The following ERICH1 variants were observed in gnomAD, a reference collection of about 807,000 sequenced individuals.
ERICH1 encodes the protein glutamate-rich protein 1.
In ERICH1, 56 loss-of-function variants were observed where a neutral mutation model predicts 39.6. The ratio of observed to expected loss-of-function variants is 1.41; its 90% CI spans 1.14 to 1.77. ERICH1 has a LOEUF of 1.77. Ranked by LOEUF, ERICH1 falls within the 40% of genes most tolerant of loss-of-function variation. The probability of loss-of-function intolerance (pLI) is 0.00; values close to 1 mark genes in which losing one functional copy is unlikely to be tolerated. For synonymous variants in ERICH1, 313 were observed against 223.6 expected, an observed-to-expected ratio of 1.40 and a Z score of -3.57; for missense variants, 826 against 575.4, an observed-to-expected ratio of 1.44 and a Z score of -4.45.
chr8:677,870 C>T (rs945243835), intron 3 of ERICH1, among the ~76,000 whole-genome samples: 2 of 152,124 alleles, frequency 1.3e-5, no homozygotes, highest in Non-Finnish European at 2.9e-5. Flanking sequence ...CTGCTCATCA[C>T]CCCCCAGGCT....
chr8:651,264 A>G (rs898031577), intron 3 of ERICH1, among the ~76,000 whole-genome samples: 1 of 152,202 alleles, frequency 6.6e-6, no homozygotes, highest in Admixed American at 6.5e-5. Flanking sequence ...AGGCGTCCTC[A>G]TCTCCCGAAC....
At position 693,551 on chromosome 8, in the gene ERICH1, G is replaced by A. The variant is rs559641744; in HGVS notation, c.170-939C>T. Among the ~76,000 whole-genome samples the A allele has an allele frequency of 5.7e-4, 85 of 148,174 alleles. 1 individual carries two copies. The highest frequency in any genetic ancestry group is 9.5e-4 in the Non-Finnish European group (62 of 65,496). The stretch of plus-strand genomic sequence containing the variant: ...GCTGTATGCTCCTCTACCAGAGGTC[G>A]TTACCACCGTGGACAGCTGCTGGGA... On this transcript the variant is annotated intron_variant, in intron 2 of 5. Coordinates refer to ENST00000262109, the MANE Select transcript of ERICH1 (RefSeq NM_207332.3).
rs570154999 is a variant in ERICH1 at position 720,172 on chromosome 8, G to A, written c.23-4165C>T. Among the ~76,000 whole-genome samples the A allele has an allele frequency of 7.2e-5, 11 of 152,316 alleles. No individual in the cohort carries two copies. In the East Asian group the frequency reaches 2.1e-3, roughly 29 times the overall value. Reference sequence around the variant, plus strand: ...GGACTTGGAGGAAGAGGAATGTCCTGGACACCCTCAAAGACAAATGAGACC... The same window carrying A: ...GGACTTGGAGGAAGAGGAATGTCCTAGACACCCTCAAAGACAAATGAGACC... On this transcript the variant is annotated intron_variant, in intron 1 of 5. Transcript: ENST00000262109.
chr8:729,836 G>A (rs1463094097), intron 1 of ERICH1, among the ~76,000 whole-genome samples: 1 of 151,786 alleles, frequency 6.6e-6, no homozygotes, highest in Admixed American at 6.5e-5. Context: ...AGTTGATTAG[G>A]TACATTACAG....
At chr8:728,122 T>C (rs1267645560) in intron 1 of ERICH1, among the ~76,000 whole-genome samples, 1 of 152,110 alleles carries the variant, frequency 6.6e-6, no homozygotes, top group South Asian at 2.1e-4. Context: ...AAGCTTTGCC[T>C]CCTCCGGAAA....
At chr8:637,717 G>A (rs939926965) in intron 3 of ERICH1, 2 of 152,414 alleles carry the variant, frequency 1.3e-5, no homozygotes, top group East Asian at 1.9e-4. Flanking sequence ...CTGGGAGCAG[G>A]AGGAAAGCTG....
intron 3 of ERICH1, among the ~76,000 whole-genome samples, chr8:630,667 C>A (rs1584960890): frequency 8.1e-6 from 1 of 123,822 alleles, no homozygotes; most frequent in Non-Finnish European, 1.7e-5. Flanking sequence ...ACAGACAGAG[C>A]TGACTCACAC....
At chr8:701,367 C>T (rs996277994) in intron 2 of ERICH1, among the ~76,000 whole-genome samples, 1 of 151,402 alleles carries the variant, frequency 6.6e-6, no homozygotes, top group Non-Finnish European at 1.5e-5. Flanking sequence ...CCCTGCTGGA[C>T]GGGAGCACGC....
chr8:615,073 C>A (rs934704448), exon 4 of ERICH1: 5 of 587,206 alleles, frequency 8.5e-6, no homozygotes, highest in Non-Finnish European at 1.5e-5. Flanking sequence ...CCATCGGCCA[C>A]TGAAGATCTC....
At position 624,700 on chromosome 8, in the gene ERICH1, CT is replaced by C. The variant is rs201536550; in HGVS notation, c.977-9417del. On this transcript the variant is annotated intron_variant, in intron 3 of 3. Transcript: ENST00000522706. ...AGAGTAAAGGGGGAGGCGCTACACA[CT>C]TTTTTTTTTATATTTTTTATTTTTA... 8.2e-3 allele frequency among the ~76,000 whole-genome samples: 1,229 copies of C among 149,064 alleles called. 15 individuals are homozygous for C. The highest frequency in any genetic ancestry group is 0.027 in the African/African-American group (1,116 of 40,700).
chr8:637,498 C>G (rs1669669), intron 3 of ERICH1: 73,490 of 152,208 alleles, frequency 0.48, 17,978 homozygotes, highest in African/African-American at 0.56. Flanking sequence ...GGCTCGCCTA[C>G]AATCAGAGCC....
chr8:728,534 CCT>C (rs1273867883), intron 1 of ERICH1, among the ~76,000 whole-genome samples: 1 of 152,186 alleles, frequency 6.6e-6, no homozygotes, highest in Non-Finnish European at 1.5e-5. Context: ...TCCAGGCTCC[CCT>C]GACCGCTGGC....
chr8:677,065 C>T (rs980099564), intron 3 of ERICH1, among the ~76,000 whole-genome samples: 12 of 152,244 alleles, frequency 7.9e-5, no homozygotes, highest in African/African-American at 2.9e-4. Context: ...AAGCACACCG[C>T]CCTCAAAGCC....
At chr8:663,992 G>A (rs543965695), downstream of ERICH1, among the ~76,000 whole-genome samples, 23 of 152,198 alleles carry the variant, frequency 1.5e-4, no homozygotes, top group Middle Eastern at 3.4e-3. Context: ...ATCTCCTGAC[G>A]TTGTGATCCG....
At chr8:677,263 T>C (rs559522078) in intron 3 of ERICH1, among the ~76,000 whole-genome samples, 5 of 152,360 alleles carry the variant, frequency 3.3e-5, no homozygotes, top group African/African-American at 1.2e-4. Context: ...CTTCATTGGA[T>C]GTAGACACCC....
At chr8:694,216 C>T (rs1053593106) in intron 2 of ERICH1, among the ~76,000 whole-genome samples, 4 of 152,150 alleles carry the variant, frequency 2.6e-5, no homozygotes, top group African/African-American at 9.7e-5. Context: ...GGTAGGGTGC[C>T]GGAATCCTAG....
chr8:715,852 C>G lies in ERICH1; in HGVS notation c.169+9G>C. The G allele has an allele frequency of 6.2e-7, 1 of 1,605,198 alleles. No homozygotes were observed. The highest frequency in any genetic ancestry group is 8.5e-7 in the Non-Finnish European group (1 of 1,176,750). ...TCTGAGACCCACCCACATCTGCAGA[C>G]AAACTCACCTGTCAAAGGCTCAGCA... On this transcript the variant is annotated intron_variant, in intron 2 of 5. Transcript: ENST00000262109.
chr8:703,909 C>T (rs773023597), intron 2 of ERICH1, among the ~76,000 whole-genome samples: 12 of 152,186 alleles, frequency 7.9e-5, no homozygotes, highest in African/African-American at 1.4e-4. Flanking sequence ...TCCCAGACTA[C>T]GGAGGCCACG....
At chr8:716,361 CCT>C (rs1296207515) in intron 1 of ERICH1, among the ~76,000 whole-genome samples, 3 of 152,272 alleles carry the variant, frequency 2.0e-5, no homozygotes, top group East Asian at 1.9e-4. Flanking sequence ...GGCCATGACC[CCT>C]GTCAGTGGGG....
Sources: gnomAD v4.1 joint callset for allele counts (sites outside exome capture counted in the v4.1 genomes callset) on GRCh38, gnomAD v4.1.1 for gene constraint, MANE v1.5 for transcripts, NCBI Gene and HGNC (gene_info 2026-07-23, HGNC 2026-07-21) for gene names.